The following SORBS2 variants were observed in gnomAD, a reference collection of about 807,000 sequenced individuals.
The protein encoded by SORBS2 is sorbin and SH3 domain containing 2, also known as sorbin and SH3 domain-containing protein 2.
Under a neutral mutation model 97.7 loss-of-function variants are expected in SORBS2, and 46 were observed. The ratio of observed to expected loss-of-function variants is 0.47; its 90% CI spans 0.37 to 0.60. SORBS2 has a LOEUF of 0.60. Among genes scored for constraint, SORBS2 ranks in the 20% least tolerant of loss-of-function variants. The probability of loss-of-function intolerance (pLI) is 0.00; values close to 1 mark genes in which losing one functional copy is unlikely to be tolerated. For synonymous variants in SORBS2, 476 were observed against 473.4 expected (o/e 1.01, Z -0.07); for missense variants, 1,316 against 1,282.3 (o/e 1.03, Z -0.40).
At chr4:185,877,883 A>AAAAAAAAAGAAAG in intron 1 of SORBS2, among the ~76,000 whole-genome samples, 1 of 145,280 alleles carries the variant, frequency 6.9e-6, no homozygotes, top group African/African-American at 2.6e-5. Flanking sequence ...ACAAAAAAAA[A>AAAAAAAAAGAAAG]AAAGAAAGAA....
intron 1 of SORBS2, among the ~76,000 whole-genome samples, chr4:185,935,600 C>CTAGT (rs2149981897): frequency 1.3e-5 from 2 of 152,300 alleles, no homozygotes; most frequent in African/African-American, 4.8e-5. Context: ...TACCCAAGAA[C>CTAGT]TAGTTCTTTA....
intron 12 of SORBS2, among the ~76,000 whole-genome samples, chr4:185,602,297 C>T (rs940583463): frequency 1.3e-5 from 2 of 152,134 alleles, no homozygotes; most frequent in African/African-American, 2.4e-5. Context: ...CATGAGCCAC[C>T]GTGCCCAGCC....
intron 2 of SORBS2, among the ~76,000 whole-genome samples, chr4:185,650,972 G>A (rs1025091750): frequency 6.6e-6 from 1 of 152,144 alleles, no homozygotes; most frequent in African/African-American, 2.4e-5. Flanking sequence ...CAGAACAGGA[G>A]GATCATGCGA....
intron 1 of SORBS2, among the ~76,000 whole-genome samples, chr4:185,870,032 C>T (rs1436091234): frequency 6.6e-6 from 1 of 152,196 alleles, no homozygotes; most frequent in African/African-American, 2.4e-5. Flanking sequence ...GGGAGTAAGA[C>T]TTTCAACCAA....
chr4:185,831,428 C>G (rs1414515693), intron 1 of SORBS2, among the ~76,000 whole-genome samples: 1 of 152,190 alleles, frequency 6.6e-6, no homozygotes, highest in Admixed American at 6.5e-5. Flanking sequence ...CACTCTTGAC[C>G]TTTTATCTTT....
intron 1 of SORBS2, among the ~76,000 whole-genome samples, chr4:185,794,215 T>C (rs1374903045): frequency 1.3e-5 from 2 of 152,012 alleles, no homozygotes; most frequent in African/African-American, 4.8e-5. Flanking sequence ...GGTAAAGAAA[T>C]GACGTTAGGG....
chr4:185,821,332 A>AG (rs1170395180), intron 1 of SORBS2, among the ~76,000 whole-genome samples: 2 of 152,300 alleles, frequency 1.3e-5, no homozygotes, highest in African/African-American at 4.8e-5. Context: ...ACAGGGTGGA[A>AG]GGGTCACTGT....
intron 1 of SORBS2, among the ~76,000 whole-genome samples, chr4:185,952,569 T>A (rs1332079250): frequency 6.6e-6 from 1 of 152,158 alleles, no homozygotes; most frequent in African/African-American, 2.4e-5. Flanking sequence ...TTTGAGAAAA[T>A]CAAGGCATGC....
At chr4:185,749,138 C>A (rs2098783542) in intron 2 of SORBS2, among the ~76,000 whole-genome samples, 1 of 152,318 alleles carries the variant, frequency 6.6e-6, no homozygotes, top group African/African-American at 2.4e-5. Context: ...CCCAGCTAAC[C>A]ACTGGAGTGG....
intron 4 of SORBS2, among the ~76,000 whole-genome samples, chr4:185,640,680 A>C (rs565906608): frequency 6.6e-6 from 1 of 152,330 alleles, no homozygotes; most frequent in South Asian, 2.1e-4. Flanking sequence ...TTTAATGTCC[A>C]TAAAATACTA....
At chr4:185,705,408 T>C (rs1417199571) in intron 2 of SORBS2, among the ~76,000 whole-genome samples, 2 of 152,032 alleles carry the variant, frequency 1.3e-5, no homozygotes, top group Non-Finnish European at 2.9e-5. Flanking sequence ...TAGCTGGGTG[T>C]GGTGGTGCGC....
rs2096434139 is a variant in SORBS2, at chr4:185,606,842, C to T, written c.2796+4938G>A. 1 of 985,238 alleles carries T rather than the reference C, an allele frequency of 1.0e-6. No homozygotes were observed. The highest frequency in any genetic ancestry group is 4.7e-5 in the South Asian group (1 of 21,278). The allele number at this position is 985,238 out of a possible 1,614,324, so 61.0% of individuals were successfully genotyped here. ...TCCTCTCCAATGACCGGAAGGGGTACAGGCAAGGAACCCACGCTGGTGCAC... is the reference window on the plus strand; with the variant it reads ...TCCTCTCCAATGACCGGAAGGGGTATAGGCAAGGAACCCACGCTGGTGCAC... On this transcript the variant is annotated intron_variant, in intron 12 of 14. Transcript: ENST00000418609. The surrounding 1 kb of genome is among the most constrained non-coding windows in gnomAD (Gnocchi z 4.3).
intron 1 of SORBS2, among the ~76,000 whole-genome samples, chr4:185,785,801 C>T (rs774060765): frequency 6.6e-6 from 1 of 152,208 alleles, no homozygotes; most frequent in Non-Finnish European, 1.5e-5. Context: ...ATCAAGAGTT[C>T]TGAGTTAAGT....
chr4:185,649,457 A>T lies in SORBS2; in HGVS notation c.281+10T>A. The T allele has an allele frequency of 6.4e-7, 1 of 1,558,346 alleles. No homozygotes were observed. The highest frequency in any genetic ancestry group is 2.4e-5 in the East Asian group (1 of 41,832). On this transcript the variant is annotated intron_variant, in intron 3 of 14. Transcript: ENST00000418609. ...CGAAACATAGGCCACCCTGGGGGGA[A>T]ATGCCTTACTTTTCTGTTGAAGACC...
chr4:185,790,143 T>A (rs537565486), intron 1 of SORBS2, among the ~76,000 whole-genome samples: 1 of 151,690 alleles, frequency 6.6e-6, no homozygotes, highest in South Asian at 2.1e-4. Context: ...AATAGCATAG[T>A]GTTGGATTTA....
intron 1 of SORBS2, among the ~76,000 whole-genome samples, chr4:185,822,822 AG>A (rs1328003325): frequency 2.6e-5 from 4 of 152,216 alleles, no homozygotes; most frequent in Admixed American, 1.3e-4. Context: ...GAGAGTTCTG[AG>A]AACGCCGGGA....
intron 2 of SORBS2, among the ~76,000 whole-genome samples, chr4:185,770,713 A>G (rs1023528895): frequency 1.3e-5 from 2 of 152,134 alleles, no homozygotes; most frequent in Non-Finnish European, 2.9e-5. Flanking sequence ...AAATAAAACA[A>G]GTACATTGTA....
At chr4:185,632,129 T>A (rs2096918288) in intron 4 of SORBS2, among the ~76,000 whole-genome samples, 1 of 152,230 alleles carries the variant, frequency 6.6e-6, no homozygotes, top group East Asian at 1.9e-4. Context: ...TTAGCACCAA[T>A]TAATCAATTA....
intron 1 of SORBS2, among the ~76,000 whole-genome samples, chr4:185,806,607 G>A (rs538017073): frequency 1.3e-4 from 20 of 151,252 alleles, no homozygotes; most frequent in African/African-American, 2.2e-4. Flanking sequence ...ACAGGCGCCC[G>A]CCACTACGCC....
Sources: allele counts gnomAD v4.1 joint callset (sites outside exome capture counted in the v4.1 genomes callset), GRCh38; gene constraint gnomAD v4.1.1; non-coding constraint Gnocchi (gnomAD v3.1); transcripts MANE v1.5; gene names NCBI Gene and HGNC (gene_info 2026-07-23, HGNC 2026-07-21).